LAMA2: variants seen among roughly 807,000 people sequenced by gnomAD.
LAMA2 encodes laminin subunit alpha 2.
Under a neutral mutation model 364.8 loss-of-function variants are expected in LAMA2, and 269 were observed. The observed-to-expected ratio is 0.74, with a 90% CI of 0.67 to 0.82. LAMA2 has a LOEUF of 0.82. LAMA2 is among the 40% of genes least tolerant of loss of function. The probability of loss-of-function intolerance (pLI) is 0.00; values close to 1 mark genes in which losing one functional copy is unlikely to be tolerated. For missense variants in LAMA2, 3,807 were observed against 3,873.2 expected (o/e 0.98, Z 0.45); for synonymous variants, 1,379 against 1,370.6 (o/e 1.01, Z -0.14).
chr6:129,115,420 G>T (rs543568912), intron 4 of LAMA2, among the ~76,000 whole-genome samples: 1 of 152,042 alleles, frequency 6.6e-6, no homozygotes, highest in Non-Finnish European at 1.5e-5. Flanking sequence ...AACATCTGGA[G>T]TTGAGGGTCT....
chr6:129,025,247 G>A (rs1055448001), intron 1 of LAMA2, among the ~76,000 whole-genome samples: 1 of 151,974 alleles, frequency 6.6e-6, no homozygotes, highest in African/African-American at 2.4e-5. Flanking sequence ...TCCACTTCTA[G>A]TTACAAAAAA....
At chr6:128,907,743 C>A (rs1385942891) in intron 1 of LAMA2, among the ~76,000 whole-genome samples, 1 of 152,098 alleles carries the variant, frequency 6.6e-6, no homozygotes, top group Non-Finnish European at 1.5e-5. Context: ...CCAGTTTTTG[C>A]CAATTCAGTA....
chr6:129,200,392 G>A (rs1486068166), intron 12 of LAMA2, among the ~76,000 whole-genome samples: 1 of 140,114 alleles, frequency 7.1e-6, no homozygotes, highest in Non-Finnish European at 1.5e-5. Flanking sequence ...ATATACATGT[G>A]TATATACATG....
chr6:129,320,190 G>A (rs370460812), intron 27 of LAMA2, among the ~76,000 whole-genome samples: 1 of 151,912 alleles, frequency 6.6e-6, no homozygotes, highest in African/African-American at 2.4e-5. Flanking sequence ...AATAGGAAGA[G>A]CAAATATATT....
intron 3 of LAMA2, among the ~76,000 whole-genome samples, chr6:129,066,038 G>GTTTTTTTTTTTTTTTTTTTTTTTTTTTT (rs544271722): frequency 2.7e-5 from 1 of 37,110 alleles, no homozygotes; most frequent in African/African-American, 8.5e-5. Flanking sequence ...CCAGTCTCAG[G>GTTTTTTTTTTTTTTTTTTTTTTTTTTTT]TTTTTTTTTT....
intron 40 of LAMA2, among the ~76,000 whole-genome samples, chr6:129,424,571 T>C (rs1781235251): frequency 6.6e-6 from 1 of 151,928 alleles, no homozygotes; most frequent in Admixed American, 6.6e-5. Context: ...GAACAAAAGA[T>C]TTAAACAGGT....
At chr6:128,938,379 C>T (rs908928669) in intron 1 of LAMA2, among the ~76,000 whole-genome samples, 52 of 152,248 alleles carry the variant, frequency 3.4e-4, no homozygotes, top group African/African-American at 1.2e-3. Flanking sequence ...GAGTGCTAGA[C>T]ACTGTTTGCA....
At position 129,270,626 on chromosome 6, in the gene LAMA2, C is replaced by T. The variant is rs139351727; in HGVS notation, c.2325C>T (p.Asn775=). 6.2e-7 allele frequency: 1 copy of T among 1,612,910 alleles called. No individual in the cohort carries two copies. The highest frequency in any genetic ancestry group is 1.3e-5 in the African/African-American group (1 of 74,968). Residue 775 remains asparagine, a splice_region_variant and synonymous_variant, in exon 17 of 65, where the codon AAC becomes AAT. Coordinates refer to ENST00000421865, the MANE Select transcript of LAMA2 (RefSeq NM_000426.4). ...SCDDVTGECL[N]CKDHTGGPYC... ...TCTGATGCTCATTTCTTTCTCAGAACTGTAAGGATCACACAGGTGGCCCAT... is the reference window on the plus strand; with the variant it reads ...TCTGATGCTCATTTCTTTCTCAGAATTGTAAGGATCACACAGGTGGCCCAT...
intron 58 of LAMA2, among the ~76,000 whole-genome samples, chr6:129,499,981 A>G (rs1243528692): frequency 1.3e-5 from 2 of 151,940 alleles, no homozygotes; most frequent in Non-Finnish European, 2.9e-5. Context: ...GTCTCAAACT[A>G]CTAGCCTCAA....
chr6:129,507,461 A>ATTTG, intron 61 of LAMA2, 28 bp from the exon 62 acceptor site: 1 of 1,613,470 alleles, frequency 6.2e-7, no homozygotes, highest in Non-Finnish European at 8.5e-7. Context: ...AAAACCTGAC[A>ATTTG]TTTGTTTCTT....
intron 4 of LAMA2, among the ~76,000 whole-genome samples, chr6:129,115,387 T>G (rs1413877812): frequency 6.6e-6 from 1 of 152,098 alleles, no homozygotes; most frequent in Non-Finnish European, 1.5e-5. Flanking sequence ...TATCATTTTG[T>G]AGCATCTGGA....
intron 59 of LAMA2, 72 bp downstream of exon 59, chr6:129,502,843 G>A: frequency 2.0e-6 from 2 of 993,746 alleles, no homozygotes; most frequent in Non-Finnish European, 3.2e-6. Context: ...TAATCAAGTT[G>A]AATCTACTAC....
At chr6:128,912,146 A>C (rs1402978785) in intron 1 of LAMA2, among the ~76,000 whole-genome samples, 2 of 152,170 alleles carry the variant, frequency 1.3e-5, no homozygotes, top group Non-Finnish European at 2.9e-5. Context: ...TTCATTTGTC[A>C]TGTTTATCTG....
At chr6:128,922,081 C>A (rs1778775739) in intron 1 of LAMA2, among the ~76,000 whole-genome samples, 2 of 151,996 alleles carry the variant, frequency 1.3e-5, no homozygotes. Flanking sequence ...TGTATATGTG[C>A]CACATTTTCT....
intron 1 of LAMA2, among the ~76,000 whole-genome samples, chr6:128,909,406 C>G (rs1777734065): frequency 6.6e-6 from 1 of 151,520 alleles, no homozygotes; most frequent in Non-Finnish European, 1.5e-5. Flanking sequence ...TTCTTTGTCT[C>G]TTTTGATCTT....
At chr6:129,446,140 A>G (rs542893673) in intron 45 of LAMA2, among the ~76,000 whole-genome samples, 4 of 152,010 alleles carry the variant, frequency 2.6e-5, no homozygotes, top group East Asian at 1.9e-4. Flanking sequence ...CTAAAAAGCC[A>G]TGGATGAGAG....
chr6:128,933,371 T>C (rs2114521550), intron 1 of LAMA2, among the ~76,000 whole-genome samples: 1 of 152,308 alleles, frequency 6.6e-6, no homozygotes, highest in South Asian at 2.1e-4. Flanking sequence ...GATGCTGCTA[T>C]GAACATGTGG....
Position 129,394,489 on chromosome 6 carries a change from A to G in LAMA2, c.5445+1234A>G, listed in dbSNP as rs139166618. Among the ~76,000 whole-genome samples the G allele has an allele frequency of 4.7e-3, 717 of 152,264 alleles. 6 individuals carry two copies. The highest frequency in any genetic ancestry group is 0.016 in the African/African-American group (678 of 41,542). On this transcript the variant is annotated intron_variant, in intron 37 of 64. Transcript: ENST00000421865. ...GGACTTAGCCTTGTCATTCTGGTAGAATATTGAAGAGGCTTACTTTTTTTC... is the reference window on the plus strand; with the variant it reads ...GGACTTAGCCTTGTCATTCTGGTAGGATATTGAAGAGGCTTACTTTTTTTC...
rs146611180 is a variant in LAMA2 at position 129,059,806 on chromosome 6, T to A, written c.306T>A (p.Ala102=). 2.9e-5 allele frequency: 47 copies of A among 1,607,436 alleles called. No individual in the cohort carries two copies. Among genetic ancestry groups the A allele is most frequent in the Non-Finnish European group, 2.2e-5 (26 of 1,174,072 alleles). ...NPNQRHPITN[A]IDGKNTWWQS... is the part of the protein sequence containing the mutation. ...TAGAGAGACACCCGATTACAAATGC[T>A]ATTGATGGAAAGAACACTTGGTGGC... Residue 102 remains alanine, a synonymous_variant, in exon 3 of 65, where the codon GCT becomes GCA. Coordinates refer to ENST00000421865, the MANE Select transcript of LAMA2 (RefSeq NM_000426.4).
Sources: gnomAD v4.1 joint callset for allele counts (sites outside exome capture counted in the v4.1 genomes callset) on GRCh38, gnomAD v4.1.1 for gene constraint, MANE v1.5 for transcripts, NCBI Gene and HGNC (gene_info 2026-07-23, HGNC 2026-07-21) for gene names.